CNTN5: variants seen among roughly 807,000 people sequenced by gnomAD.
CNTN5 encodes contactin 5.
CNTN5 carries 77 observed loss-of-function variants against 129.1 expected under a neutral mutation model. The observed-to-expected ratio is 0.60, with a 90% CI of 0.50 to 0.72. CNTN5 has a LOEUF of 0.72. Ranked by LOEUF, CNTN5 falls within the 30% of genes least tolerant of loss-of-function variation. CNTN5 has a pLI of 0.00. For missense variants in CNTN5, 1,478 were observed against 1,328.8 expected (o/e 1.11, Z -1.75); for synonymous variants, 509 against 465.6 (o/e 1.09, Z -1.20).
chr11:99,070,843 AT>A (rs2135246392), intron 1 of CNTN5, among the ~76,000 whole-genome samples: 1 of 152,276 alleles, frequency 6.6e-6, no homozygotes, highest in East Asian at 1.9e-4. Context: ...AGTTGCTCTA[AT>A]AGAGCACTGT....
intron 6 of CNTN5, among the ~76,000 whole-genome samples, chr11:99,861,439 G>T (rs907975212): frequency 6.6e-6 from 1 of 152,128 alleles, no homozygotes; most frequent in African/African-American, 2.4e-5. Context: ...CACTGATTAT[G>T]CCGATACAAT....
rs71305315 is a variant in CNTN5, at chr11:99,941,571, A to AAC, written c.674-15221_674-15220dup. Among the ~76,000 whole-genome samples the AAC allele has an allele frequency of 3.3e-3, 491 of 148,368 alleles. 4 individuals carry two copies. Among genetic ancestry groups the AAC allele is most frequent in the African/African-American group, 5.8e-3 (234 of 40,062 alleles). ...GTAATAGAGGTAAATACATAAGACA[A>AAC]ACACACACACACACAAAGAGAAAGA... On this transcript the variant is annotated intron_variant, in intron 7 of 24. Coordinates refer to ENST00000524871, the MANE Select transcript of CNTN5 (RefSeq NM_014361.4).
At chr11:100,068,945 T>C (rs1943798417) in intron 10 of CNTN5, among the ~76,000 whole-genome samples, 2 of 152,142 alleles carry the variant, frequency 1.3e-5, no homozygotes. Flanking sequence ...ATTCATAAAA[T>C]AGGACATGTT....
chr11:100,201,215 A>C (rs1948770206), intron 15 of CNTN5, among the ~76,000 whole-genome samples: 1 of 151,948 alleles, frequency 6.6e-6, no homozygotes, highest in Non-Finnish European at 1.5e-5. Flanking sequence ...AGTCTTTCTG[A>C]TATACATAAC....
At chr11:100,112,681 G>T (rs962710696) in intron 13 of CNTN5, among the ~76,000 whole-genome samples, 1 of 152,064 alleles carries the variant, frequency 6.6e-6, no homozygotes, top group Admixed American at 6.5e-5. Context: ...AATAGGCAGC[G>T]CACATCTTTC....
chr11:100,173,611 G>T (rs1056340731), intron 13 of CNTN5, among the ~76,000 whole-genome samples: 2 of 152,122 alleles, frequency 1.3e-5, no homozygotes, highest in Non-Finnish European at 2.9e-5. Context: ...TAGGCTCCAT[G>T]AGCAAAATGG....
intron 2 of CNTN5, among the ~76,000 whole-genome samples, chr11:99,474,168 T>C (rs1457356566): frequency 6.6e-6 from 1 of 151,994 alleles, no homozygotes; most frequent in Admixed American, 6.6e-5. Flanking sequence ...TTCTAATTTA[T>C]ATATAAAAAA....
chr11:99,032,021 G>GT lies in CNTN5; in HGVS notation c.-210+10757dup, dbSNP rs561389460. Among the ~76,000 whole-genome samples the GT allele has an allele frequency of 9.5e-3, 1,428 of 149,602 alleles. 24 individuals carry two copies. Among genetic ancestry groups the GT allele is most frequent in the African/African-American group, 0.033 (1,354 of 40,594 alleles). ...TATGAGTGAGAATATGCGGTGTTTG[G>GT]TTTTTTGTTCTTGCGATAGTTTACT... is the stretch of plus-strand genomic sequence containing the variant. On this transcript the variant is annotated intron_variant, in intron 1 of 24. Transcript: ENST00000524871.
chr11:99,498,200 C>G lies in CNTN5; in HGVS notation c.-70-57945C>G, dbSNP rs993942082. 1.8e-4 allele frequency among the ~76,000 whole-genome samples: 28 copies of G among 152,102 alleles called. 1 individual carries two copies. The highest frequency in any genetic ancestry group is 5.9e-5 in the Non-Finnish European group (4 of 68,012). ...CTCTAATTTCTTTCAAAATAGTGAT[C>G]TCTAAACAGTATTGATTTTTATAAT... On this transcript the variant is annotated intron_variant, in intron 2 of 24. Transcript: ENST00000524871.
chr11:99,069,029 G>C (rs192606330), intron 1 of CNTN5, among the ~76,000 whole-genome samples: 1 of 152,004 alleles, frequency 6.6e-6, no homozygotes, highest in African/African-American at 2.4e-5. Flanking sequence ...GGTGGTTGGC[G>C]ATGACTCATC....
intron 1 of CNTN5, among the ~76,000 whole-genome samples, chr11:99,145,792 G>A (rs2135474653): frequency 6.6e-6 from 1 of 152,158 alleles, no homozygotes; most frequent in South Asian, 2.1e-4. Flanking sequence ...GATTATCTAT[G>A]TGACTTTGAG....
At chr11:100,011,262 G>T (rs1370292722) in intron 9 of CNTN5, among the ~76,000 whole-genome samples, 1 of 152,038 alleles carries the variant, frequency 6.6e-6, no homozygotes, top group East Asian at 1.9e-4. Context: ...CACTAGATAT[G>T]TCAACTAGCC....
chr11:100,078,893 T>A (rs1944250602), intron 13 of CNTN5, among the ~76,000 whole-genome samples: 1 of 152,064 alleles, frequency 6.6e-6, no homozygotes. Flanking sequence ...TGCCCAAGAC[T>A]GGGTAATTTA....
chr11:99,508,383 C>CCTT (rs1327994171), intron 2 of CNTN5, among the ~76,000 whole-genome samples: 3 of 151,858 alleles, frequency 2.0e-5, no homozygotes, highest in Admixed American at 1.3e-4. Context: ...TACAGTCAGC[C>CCTT]CTTCGTATGT....
chr11:100,053,531 A>C (rs983241057), intron 9 of CNTN5, among the ~76,000 whole-genome samples: 1 of 151,794 alleles, frequency 6.6e-6, no homozygotes, highest in Non-Finnish European at 1.5e-5. Context: ...GTATCACTAC[A>C]GTACTACAAA....
chr11:99,528,362 G>A (rs1947567193), intron 2 of CNTN5, among the ~76,000 whole-genome samples: 1 of 152,172 alleles, frequency 6.6e-6, no homozygotes, highest in Non-Finnish European at 1.5e-5. Context: ...ACGAGCACGT[G>A]AATTGTATTC....
chr11:100,004,290 A>T (rs1355006598), intron 9 of CNTN5, among the ~76,000 whole-genome samples: 1 of 152,100 alleles, frequency 6.6e-6, no homozygotes, highest in Non-Finnish European at 1.5e-5. Context: ...GGAATGGAGC[A>T]TGTCAAACTT....
intron 13 of CNTN5, among the ~76,000 whole-genome samples, chr11:100,135,695 ACT>A (rs1277777617): frequency 1.3e-5 from 2 of 152,028 alleles, no homozygotes; most frequent in Non-Finnish European, 2.9e-5. Context: ...CATGAGTATT[ACT>A]CTCTCTTCTG....
chr11:99,305,937 C>T (rs532527588), intron 1 of CNTN5, among the ~76,000 whole-genome samples: 234 of 151,646 alleles, frequency 1.5e-3, no homozygotes, highest in Middle Eastern at 3.4e-3. Context: ...GCCGAGATCT[C>T]GTCTCTGCAC....
Sources: allele counts gnomAD v4.1 joint callset (sites outside exome capture counted in the v4.1 genomes callset), GRCh38; gene constraint gnomAD v4.1.1; transcripts MANE v1.5; gene names NCBI Gene and HGNC (gene_info 2026-07-23, HGNC 2026-07-21).